The following TCF12 variants were observed in gnomAD, a reference collection of about 807,000 sequenced individuals.
The protein encoded by TCF12 is DNA-binding protein HTF4.
TCF12 carries 45 observed loss-of-function variants against 86.0 expected under a neutral mutation model. That is an observed-to-expected ratio of 0.52 (90% CI 0.41 to 0.67). The LOEUF is 0.67. Among genes scored for constraint, TCF12 ranks in the 30% least tolerant of loss-of-function variants. TCF12 has a pLI of 0.00. For synonymous variants in TCF12, 330 were observed against 299.6 expected (o/e 1.10, Z -1.05); for missense variants, 881 against 859.9 (o/e 1.02, Z -0.31).
intron 8 of TCF12, chr15:57,219,715 G>C: frequency 2.3e-6 from 1 of 439,016 alleles, no homozygotes; most frequent in Non-Finnish European, 3.7e-6. Context: ...TTAGATTGTA[G>C]ATTTCTTTTT....
intron 3 of TCF12, among the ~76,000 whole-genome samples, chr15:56,957,084 C>G (rs1012778682): frequency 7.2e-5 from 11 of 152,164 alleles, no homozygotes; most frequent in African/African-American, 1.9e-4. Context: ...CTCTTTTTGC[C>G]TTTCTGTGTT....
intron 18 of TCF12, among the ~76,000 whole-genome samples, chr15:57,268,400 T>C (rs369640398): frequency 5.3e-5 from 8 of 152,180 alleles, no homozygotes; most frequent in African/African-American, 1.9e-4. Context: ...AGGTTAAATA[T>C]TGCATACTTT....
chr15:57,150,253 A>C (rs926265232), intron 5 of TCF12, among the ~76,000 whole-genome samples: 2 of 152,226 alleles, frequency 1.3e-5, no homozygotes, highest in Non-Finnish European at 2.9e-5. Flanking sequence ...TCTTTGGCCA[A>C]GTACTGACAT....
chr15:57,077,541 T>C (rs1186272295), intron 4 of TCF12, among the ~76,000 whole-genome samples: 1 of 151,912 alleles, frequency 6.6e-6, no homozygotes, highest in African/African-American at 2.4e-5. Flanking sequence ...ATGTTATAAG[T>C]ATTTTTAATT....
chr15:57,214,624 C>CTAT (rs1251574237), intron 8 of TCF12, among the ~76,000 whole-genome samples: 20 of 152,212 alleles, frequency 1.3e-4, no homozygotes, highest in African/African-American at 4.8e-4. Context: ...GAGACAGACG[C>CTAT]TATTTTATGA....
rs1161384069 is a variant in TCF12, at chr15:57,232,420, A to G, written c.815A>G (p.His272Arg). The G allele has an allele frequency of 6.2e-7, 1 of 1,606,968 alleles. No individual in the cohort carries two copies. The highest frequency in any genetic ancestry group is 1.1e-5 in the South Asian group (1 of 89,476). ...QSSSYGNLHS[H>R]DRLSYPPHSV... is the part of the protein sequence containing the mutation. ...AGTAGTTATGGCAACCTTCATTCACATGACCGCTTGGTAGGCTATAACACG... is the reference window on the plus strand; with the variant it reads ...AGTAGTTATGGCAACCTTCATTCACGTGACCGCTTGGTAGGCTATAACACG... The change falls in exon 10 of 21, where the codon CAT becomes CGT. Residue 272 changes from histidine to arginine, a missense_variant. Transcript: ENST00000333725.
At chr15:57,256,036 T>C (rs2060331234) in intron 16 of TCF12, among the ~76,000 whole-genome samples, 1 of 152,184 alleles carries the variant, frequency 6.6e-6, no homozygotes, top group Admixed American at 6.5e-5. Flanking sequence ...ACTAGTACTT[T>C]TAGTAGTGGA....
At chr15:57,181,172 GTGGCTTGGCGTTTAA>G (rs2056323652) in intron 6 of TCF12, among the ~76,000 whole-genome samples, 1 of 151,978 alleles carries the variant, frequency 6.6e-6, no homozygotes, top group Non-Finnish European at 1.5e-5. Flanking sequence ...GAAGTTATGA[GTGGCTTGGCGTTTAA>G]GCCAAGCCAC....
At chr15:56,978,764 T>G (rs1194848823) in intron 3 of TCF12, among the ~76,000 whole-genome samples, 2 of 152,168 alleles carry the variant, frequency 1.3e-5, no homozygotes, top group Non-Finnish European at 2.9e-5. Flanking sequence ...GGGCCTACTA[T>G]CCCTTAGGCC....
chr15:57,175,559 T>A (rs752810121), intron 6 of TCF12, among the ~76,000 whole-genome samples: 5 of 152,220 alleles, frequency 3.3e-5, no homozygotes, highest in African/African-American at 1.2e-4. Flanking sequence ...ACAGGATTAA[T>A]TAAAACTAGT....
chr15:57,119,679 G>A (rs1439700813), intron 5 of TCF12, among the ~76,000 whole-genome samples: 8 of 151,690 alleles, frequency 5.3e-5, no homozygotes, highest in Admixed American at 4.6e-4. Context: ...TTGGATTTTA[G>A]AATATTTTAA....
chr15:57,239,515 C>CA (rs67591734), intron 12 of TCF12, among the ~76,000 whole-genome samples: 48,573 of 106,938 alleles, frequency 0.45, 12,278 homozygotes, highest in Non-Finnish European at 0.57. Context: ...GACTCCATCT[C>CA]AAAAAAAAAA....
chr15:57,151,141 ATTT>A (rs756072811), intron 5 of TCF12, among the ~76,000 whole-genome samples: 16 of 128,128 alleles, frequency 1.2e-4, no homozygotes, highest in South Asian at 2.5e-4. Flanking sequence ...TGCCTGGCCA[ATTT>A]TTTTTTTTTT....
At chr15:56,928,906 G>A (rs2060129882) in intron 3 of TCF12, among the ~76,000 whole-genome samples, 1 of 152,172 alleles carries the variant, frequency 6.6e-6, no homozygotes, top group Non-Finnish European at 1.5e-5. Flanking sequence ...AGTCTCTAGG[G>A]TAGAACGTAT....
intron 3 of TCF12, 98 bp from the exon 4 acceptor site, chr15:57,063,652 G>A (rs1381534553): frequency 1.7e-5 from 15 of 892,552 alleles, no homozygotes; most frequent in Middle Eastern, 5.2e-4. Flanking sequence ...CCACGAAAGC[G>A]CAAATACCAC....
At chr15:57,180,771 T>C (rs1369612895) in intron 6 of TCF12, among the ~76,000 whole-genome samples, 1 of 151,154 alleles carries the variant, frequency 6.6e-6, no homozygotes, top group Non-Finnish European at 1.5e-5. Context: ...TAATAGGTAG[T>C]ACTTCCAAAT....
chr15:57,013,191 C>T (rs1332170990), intron 3 of TCF12, among the ~76,000 whole-genome samples: 1 of 152,146 alleles, frequency 6.6e-6, no homozygotes, highest in African/African-American at 2.4e-5. Context: ...ATCAGACTTT[C>T]ATTTATCCAG....
rs2061974797 is a variant in TCF12 at position 57,287,606 on chromosome 15, TA to T, written c.*1464del. Reference sequence around the variant, plus strand: ...ACAACCCTGGGAGAGAAAAACATGCTAAAGGAGGTATCTTGGCTTAATAATT... The same window carrying T: ...ACAACCCTGGGAGAGAAAAACATGCTAAGGAGGTATCTTGGCTTAATAATT... On this transcript the variant is annotated 3_prime_UTR_variant, in exon 21 of 21. Transcript: ENST00000333725. 1 of 152,616 alleles carries T rather than the reference TA, an allele frequency of 6.6e-6. No individual in the cohort carries two copies. Among genetic ancestry groups the T allele is most frequent in the Non-Finnish European group, 1.5e-5 (1 of 68,032 alleles). 9.5% of individuals were successfully genotyped at this position (152,616 alleles called of 1,614,324 possible).
intron 8 of TCF12, among the ~76,000 whole-genome samples, chr15:57,225,272 C>T (rs111698533): frequency 0.018 from 2,205 of 125,970 alleles, 58 homozygotes; most frequent in African/African-American, 0.064. Flanking sequence ...CTTGCACTGT[C>T]GCCCAGACTG....
Sources: allele counts gnomAD v4.1 joint callset (sites outside exome capture counted in the v4.1 genomes callset), GRCh38; gene constraint gnomAD v4.1.1; transcripts MANE v1.5; gene names NCBI Gene and HGNC (gene_info 2026-07-23, HGNC 2026-07-21).